The following NDRG4 variants were observed in gnomAD, a reference collection of about 807,000 sequenced individuals.
NDRG4 encodes the protein protein NDRG4.
NDRG4 carries 38 observed loss-of-function variants against 55.8 expected under a neutral mutation model. That is an observed-to-expected ratio of 0.68 (90% CI 0.53 to 0.89). The LOEUF (loss-of-function observed/expected upper bound fraction) is 0.89. Ranked by LOEUF, NDRG4 falls within the 40% of genes least tolerant of loss-of-function variation. The pLI is 0.00. For missense variants in NDRG4, 455 were observed against 468.6 expected, an observed-to-expected ratio of 0.97 and a Z score of 0.27; for synonymous variants, 190 against 182.7, an observed-to-expected ratio of 1.04 and a Z score of -0.32.
At position 58,508,146 on chromosome 16, in the gene NDRG4, C is replaced by T. The variant is rs915769141; in HGVS notation, c.729+147C>T. On this transcript the variant is annotated intron_variant, in intron 10 of 14. Transcript: ENST00000570248. ...GGTGGGCTTCTTGTCCACTTTCCCACAGTCTTGCCAAGCCTCACATCTGGC... is the reference window on the plus strand; with the variant it reads ...GGTGGGCTTCTTGTCCACTTTCCCATAGTCTTGCCAAGCCTCACATCTGGC... 5 of 689,422 alleles carry T rather than the reference C, an allele frequency of 7.3e-6. No individual in the cohort carries two copies. In the Admixed American group the frequency reaches 1.6e-4, roughly 22 times the overall value. 42.7% of individuals were successfully genotyped at this position (689,422 alleles called of 1,614,324 possible).
chr16:58,496,356 C>G (rs1337157785), upstream of NDRG4, among the ~76,000 whole-genome samples: 2 of 152,076 alleles, frequency 1.3e-5, no homozygotes, highest in Non-Finnish European at 2.9e-5. Context: ...TGGTAAAAGG[C>G]AGGTTGCATT....
chr16:58,502,386 C>T (rs1407061603), intron 1 of NDRG4, among the ~76,000 whole-genome samples: 1 of 152,106 alleles, frequency 6.6e-6, no homozygotes, highest in African/African-American at 2.4e-5. Flanking sequence ...CACCCTAAGG[C>T]TCATTACCTG....
At chr16:58,509,701 G>A (rs1157906540) in intron 13 of NDRG4, among the ~76,000 whole-genome samples, 1 of 152,206 alleles carries the variant, frequency 6.6e-6, no homozygotes, top group Non-Finnish European at 1.5e-5. Context: ...GTCTGGGGGT[G>A]AGGCACACTC....
Position 58,512,362 on chromosome 16 carries a change from C to A in NDRG4, c.*786C>A. ...GGGTGAGGGAGAAGGAGGAGAGAGCCCATGTGTGGTGTGTGTGCCCCTGAG... is the reference window on the plus strand; with the variant it reads ...GGGTGAGGGAGAAGGAGGAGAGAGCACATGTGTGGTGTGTGTGCCCCTGAG... On this transcript the variant is annotated 3_prime_UTR_variant, in exon 15 of 15. Transcript: ENST00000570248. 3.2e-6 allele frequency: 1 copy of A among 317,040 alleles called. No homozygotes were observed. Among genetic ancestry groups the A allele is most frequent in the Non-Finnish European group, 6.2e-6 (1 of 162,170 alleles). The allele number at this position is 317,040 out of a possible 1,614,324, so 19.6% of individuals were successfully genotyped here. A position where few individuals can be genotyped will look rare whatever the true frequency, so the allele number is the denominator to read the frequency against.
intron 8 of NDRG4, 48 bp downstream of exon 8, chr16:58,507,063 G>C: frequency 6.9e-7 from 1 of 1,451,272 alleles, no homozygotes; most frequent in Non-Finnish European, 9.6e-7. Flanking sequence ...CCCAGTGGGG[G>C]CCCTTGCACA....
chr16:58,490,228 C>T (rs1001860518), intron 2 of NDRG4, among the ~76,000 whole-genome samples: 2 of 152,222 alleles, frequency 1.3e-5, no homozygotes, highest in African/African-American at 2.4e-5. Flanking sequence ...CCCCTGCATC[C>T]CATCGCAAGT....
Position 58,464,548 on chromosome 16 carries a change from G to A in NDRG4, c.-24+751G>A. 8.1e-7 allele frequency: 1 copy of A among 1,229,852 alleles called. No individual in the cohort carries two copies. The highest frequency in any genetic ancestry group is 1.0e-6 in the Non-Finnish European group (1 of 963,968). 76.2% of individuals were successfully genotyped at this position (1,229,852 alleles called of 1,614,324 possible). On this transcript the variant is annotated intron_variant, in intron 1 of 15. Transcript: ENST00000258187. The surrounding 1 kb of genome is among the most constrained non-coding windows in gnomAD (Gnocchi z 4.8). ...GGGCGCGGCGGCCGGGGACTGGGGCGGCTCGGGTCTGAGCAGGAAGGGGTG... is the reference window on the plus strand; with the variant it reads ...GGGCGCGGCGGCCGGGGACTGGGGCAGCTCGGGTCTGAGCAGGAAGGGGTG...
At chr16:58,504,774 A>C (rs1597304444) in intron 5 of NDRG4, 125 bp downstream of exon 5, 6 of 934,648 alleles carry the variant, frequency 6.4e-6, no homozygotes, top group South Asian at 1.5e-5. Context: ...TCCTCCTCCC[A>C]CCTCCTCTTT....
In NDRG4 at chr16:58,511,521, C is replaced by A. The variant is rs912276301; in HGVS notation, c.1004C>A (p.Ser335Ter). ...DGSRPQACTH[S>*]ESSEGLGQVN... ...AGCCGCCCACAGGCCTGCACCCACT[C>A]AGAGAGCAGCGAGGGGCTGGGCCAG... The change falls in exon 15 of 15, where the codon TCA (serine) becomes TAA (stop). Residue 335 changes from serine (S) to a stop codon, truncating the protein, a stop_gained. Coordinates refer to ENST00000570248, the MANE Select transcript of NDRG4 (RefSeq NM_001242835.2). LOFTEE classifies it high-confidence loss of function. 1 of 1,612,916 alleles carries A rather than the reference C, an allele frequency of 6.2e-7. No homozygotes were observed. The highest frequency in any genetic ancestry group is 8.5e-7 in the Non-Finnish European group (1 of 1,179,980).
At chr16:58,509,272 A>G in intron 12 of NDRG4, 29 bp from the exon 13 acceptor site, 2 of 1,614,000 alleles carry the variant, frequency 1.2e-6, no homozygotes, top group Non-Finnish European at 1.7e-6. Context: ...GCAGCCAATG[A>G]AAGCATGTGC....
downstream of NDRG4, among the ~76,000 whole-genome samples, chr16:58,513,974 A>C (rs1043989899): frequency 2.6e-5 from 4 of 152,282 alleles, no homozygotes; most frequent in South Asian, 2.1e-4. Flanking sequence ...AAACAAAAAA[A>C]CAAAATACAG....
upstream of NDRG4, chr16:58,495,147 A>C: frequency 1.2e-6 from 1 of 816,628 alleles, no homozygotes; most frequent in Non-Finnish European, 2.0e-6. Context: ...TGGGAGATGA[A>C]CTGGCCCTGC....
intron 14 of NDRG4, 111 bp downstream of exon 14, chr16:58,510,794 C>T (rs2038706415): frequency 1.0e-6 from 1 of 1,002,630 alleles, no homozygotes; most frequent in South Asian, 1.4e-5. Flanking sequence ...GGTTTGGAAC[C>T]TTCTTGTGTC....
intron 2 of NDRG4, among the ~76,000 whole-genome samples, chr16:58,490,334 G>A (rs953612920): frequency 3.9e-5 from 6 of 151,980 alleles, no homozygotes; most frequent in African/African-American, 7.3e-5. Context: ...CAGTACAATG[G>A]GGAGAACTAG....
At chr16:58,500,489 A>G (rs1476575867) in intron 1 of NDRG4, 3 of 310,848 alleles carry the variant, frequency 9.7e-6, no homozygotes, top group Non-Finnish European at 1.8e-5. Context: ...CAGAGCCCAT[A>G]GCAGGGGCTG....
chr16:58,502,082 A>G (rs1389350143), intron 1 of NDRG4: 1 of 449,198 alleles, frequency 2.2e-6, no homozygotes, highest in South Asian at 1.6e-5. Context: ...CCTTCAGTGC[A>G]CCGCCCTGGC....
chr16:58,511,785 G>A lies in NDRG4; in HGVS notation c.*209G>A, dbSNP rs1057187974. The A allele has an allele frequency of 5.9e-6, 4 of 674,556 alleles. No individual in the cohort carries two copies. Among genetic ancestry groups the A allele is most frequent in the South Asian group, 1.7e-5 (1 of 59,870 alleles). The allele number at this position is 674,556 out of a possible 1,614,324, so 41.8% of individuals were successfully genotyped here. On this transcript the variant is annotated 3_prime_UTR_variant, in exon 15 of 15. Transcript: ENST00000570248. ...CTCCTCATCCCATCTCACTCTCCGTGGTAACTTAGCCAACTTGACCCCTCT... is the reference window on the plus strand; with the variant it reads ...CTCCTCATCCCATCTCACTCTCCGTAGTAACTTAGCCAACTTGACCCCTCT...
rs1198298297 is a variant in NDRG4, at chr16:58,481,003, T to C, written c.-23-6753T>C. Among the ~76,000 whole-genome samples, 3 of 148,824 alleles carry C rather than the reference T, an allele frequency of 2.0e-5. No individual in the cohort carries two copies. In the East Asian group the frequency reaches 6.1e-4, roughly 30 times the overall value. ...CAGCCTGGGCGACAGAGTGAGACTCTGTCTTAAAAAAAAAAAAAAAAAGAT... is the reference window on the plus strand; with the variant it reads ...CAGCCTGGGCGACAGAGTGAGACTCCGTCTTAAAAAAAAAAAAAAAAAGAT... On this transcript the variant is annotated intron_variant, in intron 1 of 15. Coordinates refer to the NDRG4 transcript ENST00000258187.
intron 1 of NDRG4, among the ~76,000 whole-genome samples, chr16:58,471,162 C>G (rs1467721059): frequency 7.2e-6 from 1 of 139,038 alleles, no homozygotes; most frequent in Non-Finnish European, 1.5e-5. Context: ...ACCTCCAGAA[C>G]TATAAGAGAA....
Sources: gnomAD v4.1 joint callset for allele counts (sites outside exome capture counted in the v4.1 genomes callset) on GRCh38, gnomAD v4.1.1 for gene constraint, Gnocchi (gnomAD v3.1) non-coding constraint, MANE v1.5 for transcripts, NCBI Gene and HGNC (gene_info 2026-07-23, HGNC 2026-07-21) for gene names.